Variants in FOXK1 observed in about 807,000 individuals in gnomAD.
The protein encoded by FOXK1 is forkhead box K1.
FOXK1 carries 19 observed loss-of-function variants against 51.9 expected under a neutral mutation model. The observed-to-expected ratio is 0.37, with a 90% CI of 0.26 to 0.54. FOXK1 has a LOEUF of 0.54. FOXK1 is among the 20% of genes least tolerant of loss of function. The probability of loss-of-function intolerance (pLI) is 0.87; values close to 1 mark genes in which losing one functional copy is unlikely to be tolerated. For missense variants in FOXK1, 870 were observed against 1,032.7 expected, an observed-to-expected ratio of 0.84 and a Z score of 2.16; for synonymous variants, 537 against 482.6, an observed-to-expected ratio of 1.11 and a Z score of -1.48.
At chr7:4,706,004 G>GTATGTA (rs1562373121) in intron 1 of FOXK1, among the ~76,000 whole-genome samples, 5 of 97,288 alleles carry the variant, frequency 5.1e-5, no homozygotes, top group African/African-American at 4.5e-4. Context: ...GTATATATAC[G>GTATGTA]TATATATACG....
intron 1 of FOXK1, among the ~76,000 whole-genome samples, chr7:4,691,780 A>G (rs1209830585): frequency 6.6e-6 from 1 of 151,760 alleles, no homozygotes; most frequent in Admixed American, 6.6e-5. Flanking sequence ...CTGCCCAGAA[A>G]CCTCAGTGGC....
chr7:4,770,701 G>T lies in FOXK1; in HGVS notation c.*8237G>T, dbSNP rs1235262957. 2 of 152,158 alleles carry T rather than the reference G, an allele frequency of 1.3e-5. No homozygotes were observed. Among genetic ancestry groups the T allele is most frequent in the African/African-American group, 2.4e-5 (1 of 41,418 alleles). 9.4% of individuals were successfully genotyped at this position (152,158 alleles called of 1,614,324 possible). Reference sequence around the variant, plus strand: ...CCAGAGTCTGTCCTGAGATGTCGCTGAGTCCAGACACTTGGGCTGCACGTG... The same window carrying T: ...CCAGAGTCTGTCCTGAGATGTCGCTTAGTCCAGACACTTGGGCTGCACGTG... On this transcript the variant is annotated 3_prime_UTR_variant, in exon 9 of 9. Coordinates refer to ENST00000328914, the MANE Select transcript of FOXK1 (RefSeq NM_001037165.2).
rs1780395659 is a variant in FOXK1 at position 4,727,508 on chromosome 7, T to A, written c.561-13330T>A. ...TTTTTATATATTTAGTAGAGACCCG[T>A]TTCACCATGTTGGCCAGGCTGGTCT... On this transcript the variant is annotated intron_variant, in intron 1 of 8. Transcript: ENST00000328914. Among the ~76,000 whole-genome samples, 3 of 152,082 alleles carry A rather than the reference T, an allele frequency of 2.0e-5. No individual in the cohort carries two copies. In the South Asian group the frequency reaches 6.2e-4, roughly 31 times the overall value.
In FOXK1 at chr7:4,732,034, C is replaced by G. The variant is rs189604261; in HGVS notation, c.561-8804C>G. On this transcript the variant is annotated intron_variant, in intron 1 of 8. Coordinates refer to ENST00000328914, the MANE Select transcript of FOXK1 (RefSeq NM_001037165.2). ...GGCATCTGAGCAGCCCAGGCTCCAGCCAGGCAGGTCTGACTTCACCTCCCT... is the reference window on the plus strand; with the variant it reads ...GGCATCTGAGCAGCCCAGGCTCCAGGCAGGCAGGTCTGACTTCACCTCCCT... 3.7e-3 allele frequency among the ~76,000 whole-genome samples: 568 copies of G among 152,342 alleles called. 3 individuals are homozygous for G. Among genetic ancestry groups the G allele is most frequent in the African/African-American group, 0.013 (535 of 41,588 alleles).
chr7:4,741,080 C>A lies in FOXK1; in HGVS notation c.746+57C>A. 1.6e-6 allele frequency: 2 copies of A among 1,246,212 alleles called. 1 individual carries two copies. Among genetic ancestry groups the A allele is most frequent in the South Asian group, 3.3e-5 (2 of 61,192 alleles). The allele number at this position is 1,246,212 out of a possible 1,614,324, so 77.2% of individuals were successfully genotyped here. ...CCAGGAGAGAGGGGGATGATGCGAG[C>A]GTGCCTGTCGTACGCAGCACCGGGT... On this transcript the variant is annotated intron_variant, in intron 2 of 8. Coordinates refer to ENST00000328914, the MANE Select transcript of FOXK1 (RefSeq NM_001037165.2).
chr7:4,701,775 C>G (rs1420893639), intron 1 of FOXK1, among the ~76,000 whole-genome samples: 1 of 152,206 alleles, frequency 6.6e-6, no homozygotes. Flanking sequence ...CGCCTGTAGT[C>G]CCAGCTACTC....
At chr7:4,706,320 C>T (rs1317081647) in intron 1 of FOXK1, among the ~76,000 whole-genome samples, 2 of 152,110 alleles carry the variant, frequency 1.3e-5, no homozygotes, top group African/African-American at 4.8e-5. Flanking sequence ...TACCCCTTTT[C>T]TGTGAATGAT....
chr7:4,738,012 C>T (rs1211068007), intron 1 of FOXK1, among the ~76,000 whole-genome samples: 1 of 151,770 alleles, frequency 6.6e-6, no homozygotes, highest in African/African-American at 2.4e-5. Context: ...GTCCCAGCTA[C>T]TCGGGAGGCT....
rs1780535547 is a variant in FOXK1, at chr7:4,735,072, A to G, written c.561-5766A>G. 6.6e-6 allele frequency among the ~76,000 whole-genome samples: 1 copy of G among 151,992 alleles called. No homozygotes were observed. ...CTTTCTGTTTGGCCGGGCAGGTGGT[A>G]GGATTTGTGGCCTAGGGAGGGGATG... On this transcript the variant is annotated intron_variant, in intron 1 of 8. Coordinates refer to ENST00000328914, the MANE Select transcript of FOXK1 (RefSeq NM_001037165.2). This position sits in a 1 kb window ranked among gnomAD's most constrained non-coding sequence, Gnocchi z 4.7.
rs758920210 is a variant in FOXK1, at chr7:4,770,172, A to G, written c.*7708A>G. The G allele has an allele frequency of 2.0e-5, 3 of 151,670 alleles. No individual in the cohort carries two copies. Among genetic ancestry groups the G allele is most frequent in the Admixed American group, 6.6e-5 (1 of 15,226 alleles). The allele number at this position is 151,670 out of a possible 1,614,324, so 9.4% of individuals were successfully genotyped here. ...CCTGTATGGATGTTAAATTGTGTCT[A>G]TAGCCTCTAAATCTCCAGGTTAACT... On this transcript the variant is annotated 3_prime_UTR_variant, in exon 9 of 9. Coordinates refer to ENST00000328914, the MANE Select transcript of FOXK1 (RefSeq NM_001037165.2).
chr7:4,741,972 A>G (rs922223845), intron 2 of FOXK1, among the ~76,000 whole-genome samples: 2 of 152,364 alleles, frequency 1.3e-5, no homozygotes, highest in East Asian at 3.9e-4. Flanking sequence ...TGGAGGGTTC[A>G]TACATTCTTT....
In FOXK1 at chr7:4,682,975, CCCACCCCCCGG is replaced by C; in HGVS notation, c.560+110_560+120del. 1 of 1,199,678 alleles carries C rather than the reference CCCACCCCCCGG, an allele frequency of 8.3e-7. No individual in the cohort carries two copies. The highest frequency in any genetic ancestry group is 1.7e-5 in the South Asian group (1 of 58,382). The allele number at this position is 1,199,678 out of a possible 1,614,324, so 74.3% of individuals were successfully genotyped here. A position where few individuals can be genotyped will look rare whatever the true frequency, so the allele number is the denominator to read the frequency against. On this transcript the variant is annotated intron_variant, in intron 1 of 8. Coordinates refer to ENST00000328914, the MANE Select transcript of FOXK1 (RefSeq NM_001037165.2). This position sits in a 1 kb window ranked among gnomAD's most constrained non-coding sequence, Gnocchi z 7.6. ...CCCTCCAGCTTCCTCGGCCTCGACC[CCCACCCCCCGG>C]CCCACCCCCGGTAACCCCCGACCGG...
chr7:4,687,521 GA>G, intron 1 of FOXK1, among the ~76,000 whole-genome samples: 1 of 151,976 alleles, frequency 6.6e-6, no homozygotes, highest in African/African-American at 2.4e-5. Flanking sequence ...TGGAACTCCT[GA>G]CCTCAGGTGA....
Position 4,743,307 on chromosome 7 carries a change from C to G in FOXK1, c.746+2284C>G, listed in dbSNP as rs766630372. 6.6e-6 allele frequency among the ~76,000 whole-genome samples: 1 copy of G among 152,174 alleles called. No homozygotes were observed. ...GTGGCTCACACTGGTAATGCCAGCA[C>G]TGTGGGAGGCCAAGGCGGGTGGATC... On this transcript the variant is annotated intron_variant, in intron 2 of 8. Transcript: ENST00000328914. The surrounding 1 kb of genome is among the most constrained non-coding windows in gnomAD (Gnocchi z 5.3).
At position 4,755,233 on chromosome 7, in the gene FOXK1, G is replaced by A. The variant is rs773289322; in HGVS notation, c.904-4G>A. The stretch of plus-strand genomic sequence containing the variant: ...CTCATCCCGTGAGCCGTGTTTCTCC[G>A]CAGGATGAGTCAAAGCCGCCGTTCT... On this transcript the variant is annotated splice_region_variant and splice_polypyrimidine_tract_variant and intron_variant, in intron 3 of 8. Transcript: ENST00000328914. This position sits in a 1 kb window ranked among gnomAD's most constrained non-coding sequence, Gnocchi z 6.6. 122 of 1,613,342 alleles carry A rather than the reference G, an allele frequency of 7.6e-5. No individual in the cohort carries two copies. Among genetic ancestry groups the A allele is most frequent in the Non-Finnish European group, 9.2e-5 (109 of 1,179,888 alleles).
In FOXK1 at chr7:4,715,615, C is replaced by T. The variant is rs1583192202; in HGVS notation, c.561-25223C>T. On this transcript the variant is annotated intron_variant, in intron 1 of 8. Transcript: ENST00000328914. This position sits in a 1 kb window ranked among gnomAD's most constrained non-coding sequence, Gnocchi z 4.5. ...TGAAATGCTCTGGTGTTGTGAAATA[C>T]GGAACTTGGCGAGTTCTTGCGGCCA... 1.3e-5 allele frequency among the ~76,000 whole-genome samples: 2 copies of T among 152,300 alleles called. No homozygotes were observed. Among genetic ancestry groups the T allele is most frequent in the African/African-American group, 4.8e-5 (2 of 41,572 alleles).
chr7:4,698,544 C>T (rs565545903), intron 1 of FOXK1, among the ~76,000 whole-genome samples: 3 of 152,226 alleles, frequency 2.0e-5, no homozygotes, highest in South Asian at 4.1e-4. Context: ...GTGCAGTCCA[C>T]GTACCTCTTT....
At chr7:4,754,357 C>A (rs553069889) in intron 2 of FOXK1, 102 bp from the exon 3 acceptor site, 26 of 1,361,478 alleles carry the variant, frequency 1.9e-5, no homozygotes, top group Non-Finnish European at 2.2e-5. Flanking sequence ...GTGTGAGCTT[C>A]TTCCCCACAG....
At chr7:4,739,428 GT>G (rs1368483291) in intron 1 of FOXK1, among the ~76,000 whole-genome samples, 1 of 152,162 alleles carries the variant, frequency 6.6e-6, no homozygotes. Flanking sequence ...GTTTTGTTTT[GT>G]TTTTAACTGA....
Sources: gnomAD v4.1 joint callset for allele counts (sites outside exome capture counted in the v4.1 genomes callset) on GRCh38, gnomAD v4.1.1 for gene constraint, Gnocchi (gnomAD v3.1) non-coding constraint, MANE v1.5 for transcripts, NCBI Gene and HGNC (gene_info 2026-07-23, HGNC 2026-07-21) for gene names.